Variants in PPP1R35 observed in about 807,000 individuals in gnomAD.
The protein encoded by PPP1R35 is protein phosphatase 1 regulatory subunit 35.
Under a neutral mutation model 22.2 loss-of-function variants are expected in PPP1R35, and 23 were observed. That is an observed-to-expected ratio of 1.04 (90% CI 0.75 to 1.47). The LOEUF (loss-of-function observed/expected upper bound fraction) is 1.47. Ranked by LOEUF, PPP1R35 falls within the 40% of genes most tolerant of loss-of-function variation. The pLI is 0.00. For missense variants in PPP1R35, 409 were observed against 349.6 expected, an observed-to-expected ratio of 1.17 and a Z score of -1.36; for synonymous variants, 198 against 165.7, an observed-to-expected ratio of 1.19 and a Z score of -1.50.
Position 100,435,419 on chromosome 7 carries a change from G to T in PPP1R35, c.703C>A (p.Pro235Thr), listed in dbSNP as rs760212227. 4.3e-6 allele frequency: 7 copies of T among 1,612,652 alleles called. No individual in the cohort carries two copies. The East Asian group carries it at 1.3e-4, about 31-fold the overall frequency. The change falls in exon 4 of 4, where the codon CCC (proline) becomes ACC (threonine). Residue 235 changes from proline (P) to threonine (T), a missense_variant. By Grantham distance (38) the Pro-to-Thr change is conservative. Transcript: ENST00000292330. ...AGGAAGGTGTCCTCTGAAGGGCGGG[G>T]CCGGAGTTGAAGTCGGAGAGGGGGC... ...GLPPLRLQLRPRPSEDTFLMH... is the reference protein window; with the variant it reads ...GLPPLRLQLRTRPSEDTFLMH...
At position 100,435,705 on chromosome 7, in the gene PPP1R35, C is replaced by A; in HGVS notation, c.514G>T (p.Glu172Ter). 1 of 1,605,238 alleles carries A rather than the reference C, an allele frequency of 6.2e-7. No individual in the cohort carries two copies. The highest frequency in any genetic ancestry group is 2.2e-5 in the East Asian group (1 of 44,636). Residue 172 changes from glutamate to a stop codon, truncating the protein, a stop_gained, in exon 3 of 4, where the codon GAA becomes TAA. Coordinates refer to ENST00000292330, the MANE Select transcript of PPP1R35 (RefSeq NM_145030.4). LOFTEE classifies it high-confidence loss of function. ...RDLVSLQVPEEQVLNAALREK... is the reference protein window; with the variant it reads ...RDLVSLQVPE ...CTGAGCGCGGCATTCAGAACCTGTTCCTCCGGCACCTGCAGGCTCACCAGG... is the reference window on the plus strand; with the variant it reads ...CTGAGCGCGGCATTCAGAACCTGTTACTCCGGCACCTGCAGGCTCACCAGG...
chr7:100,435,636 G>A lies in PPP1R35; in HGVS notation c.583C>T (p.Pro195Ser). Residue 195 changes from proline (P) to serine (S), a missense_variant, in exon 3 of 4, where the codon CCA becomes TCA. Transcript: ENST00000292330. ...CCACGCCCAGACCCCATCACCTTTG[G>A]GTGCGGGGCTCGAGCCTGTGGCGGC... is the stretch of plus-strand genomic sequence containing the variant. ...LLPPQARAPHPKEPPGPGPDM... is the reference protein window; with the variant it reads ...LLPPQARAPHSKEPPGPGPDM... 1 of 1,612,646 alleles carries A rather than the reference G, an allele frequency of 6.2e-7. No homozygotes were observed. Among genetic ancestry groups the A allele is most frequent in the Non-Finnish European group, 8.5e-7 (1 of 1,179,702 alleles).
At position 100,436,348 on chromosome 7, in the gene PPP1R35, C is replaced by A; in HGVS notation, c.27G>T (p.Glu9Asp). MMMGCGESELKSADGEEAA... is the reference protein window; with the variant it reads MMMGCGESDLKSADGEEAA... ...CTTCTTCCCCGTCCGCCGACTTCAG[C>A]TCTGACTCCCCACAACCCATCATCA... The change falls in exon 1 of 4, where the codon GAG (glutamate) becomes GAT (aspartate). Residue 9 changes from glutamate (E) to aspartate (D), a missense_variant. Physicochemically the swap from Glu to Asp is conservative, Grantham distance 45. Coordinates refer to ENST00000292330, the MANE Select transcript of PPP1R35 (RefSeq NM_145030.4). The A allele has an allele frequency of 7.0e-7, 1 of 1,427,106 alleles. No individual in the cohort carries two copies. Among genetic ancestry groups the A allele is most frequent in the South Asian group, 1.6e-5 (1 of 64,156 alleles). 88.4% of individuals were successfully genotyped at this position (1,427,106 alleles called of 1,614,324 possible).
Position 100,435,534 on chromosome 7 carries a change from C to A in PPP1R35, c.589-1G>T, listed in dbSNP as rs1798847345. 1 of 1,614,030 alleles carries A rather than the reference C, an allele frequency of 6.2e-7. No individual in the cohort carries two copies. Among genetic ancestry groups the A allele is most frequent in the African/African-American group, 1.3e-5 (1 of 74,910 alleles). ...TGTCTGGCCCAGGCCCAGGTGGCTC[C>A]TGTTGGGAGGTTGGGCCCAAAGCAA... On this transcript the variant is annotated splice_acceptor_variant, in intron 3 of 3. Coordinates refer to ENST00000292330, the MANE Select transcript of PPP1R35 (RefSeq NM_145030.4). LOFTEE classifies it high-confidence loss of function.
chr7:100,435,857 C>A lies in PPP1R35; in HGVS notation c.442G>T (p.Val148Leu), dbSNP rs779010490. ...FQIRCGLEES[V>L]SEGLNVPRSK... ...CGCCCGCCCCCCTCACCCTCGGACA[C>A]GCTCTCCTCCAGGCCGCAGCGGATC... Residue 148 changes from valine to leucine, a missense_variant, in exon 2 of 4, where the codon GTG becomes TTG. By Grantham distance (32) the Val-to-Leu change is conservative (BLOSUM62 1). Transcript: ENST00000292330. 1 of 1,591,050 alleles carries A rather than the reference C, an allele frequency of 6.3e-7. No individual in the cohort carries two copies. The highest frequency in any genetic ancestry group is 1.7e-5 in the Admixed American group (1 of 57,966).
chr7:100,435,758 A>G lies in PPP1R35; in HGVS notation c.461T>C (p.Val154Ala). 1.2e-6 allele frequency: 2 copies of G among 1,600,468 alleles called. No individual in the cohort carries two copies. The highest frequency in any genetic ancestry group is 1.7e-6 in the Non-Finnish European group (2 of 1,177,500). ...CCGGAAGAGCCGCTTGGAGCGCGGC[A>G]CGTTCAGCCCTGAGAGCGCAGCGGG... ...LEESVSEGLNVPRSKRLFRDL... is the reference protein window; with the variant it reads ...LEESVSEGLNAPRSKRLFRDL... The change falls in exon 3 of 4, where the codon GTG (valine) becomes GCG (alanine). Residue 154 changes from valine to alanine, a missense_variant. Val to Ala is a moderately conservative substitution (Grantham distance 64, BLOSUM62 0). Coordinates refer to ENST00000292330, the MANE Select transcript of PPP1R35 (RefSeq NM_145030.4).
rs1798840885 is a variant in PPP1R35 at position 100,435,387 on chromosome 7, G to C, written c.735C>G (p.His245Gln). 2 of 1,609,144 alleles carry C rather than the reference G, an allele frequency of 1.2e-6. No individual in the cohort carries two copies. The highest frequency in any genetic ancestry group is 1.7e-6 in the Non-Finnish European group (2 of 1,178,590). Residue 245 changes from histidine to glutamine, a missense_variant, in exon 4 of 4, where the codon CAC becomes CAG. His to Gln is a conservative substitution (Grantham distance 24, BLOSUM62 0). Coordinates refer to ENST00000292330, the MANE Select transcript of PPP1R35 (RefSeq NM_145030.4). ...ACGCTTCCCATCGCCTCAGTGTCCGGTGCATGAGGAAGGTGTCCTCTGAAG... is the reference window on the plus strand; with the variant it reads ...ACGCTTCCCATCGCCTCAGTGTCCGCTGCATGAGGAAGGTGTCCTCTGAAG... Reference protein sequence around the residue: ...PRPSEDTFLMHRTLRRWEA With the variant: ...PRPSEDTFLMQRTLRRWEA
chr7:100,436,094 G>C (rs1584331794), intron 1 of PPP1R35, 30 bp from the exon 2 acceptor site: 20 of 1,481,028 alleles, frequency 1.4e-5, no homozygotes, highest in Non-Finnish European at 1.8e-5. Context: ...CAGTGACCAG[G>C]TGGGCGCGAG....
chr7:100,435,712 C>T lies in PPP1R35; in HGVS notation c.507G>A (p.Val169=). 1 of 1,604,432 alleles carries T rather than the reference C, an allele frequency of 6.2e-7. No individual in the cohort carries two copies. The highest frequency in any genetic ancestry group is 8.5e-7 in the Non-Finnish European group (1 of 1,177,464). Residue 169 remains valine (V), a synonymous_variant, in exon 3 of 4, where the codon GTG becomes GTA. Coordinates refer to ENST00000292330, the MANE Select transcript of PPP1R35 (RefSeq NM_145030.4). The stretch of plus-strand genomic sequence containing the variant: ...CGGCATTCAGAACCTGTTCCTCCGG[C>T]ACCTGCAGGCTCACCAGGTCCCGGA... ...RLFRDLVSLQ[V]PEEQVLNAAL...
Position 100,435,286 on chromosome 7 carries a change from T to TTAGCAAAATTACTTTATTC in PPP1R35, c.*55_*73dup. ...AGGCCTCCAAGAAGAGTCCCATTTA[T>TTAGCAAAATTACTTTATTC]TAGCAAAATTACTTTATTCTAACAA... On this transcript the variant is annotated 3_prime_UTR_variant, in exon 4 of 4. Transcript: ENST00000292330. The TTAGCAAAATTACTTTATTC allele has an allele frequency of 6.7e-7, 1 of 1,485,484 alleles. No individual in the cohort carries two copies. Among genetic ancestry groups the TTAGCAAAATTACTTTATTC allele is most frequent in the Middle Eastern group, 1.8e-4 (1 of 5,554 alleles). 92.0% of individuals were successfully genotyped at this position (1,485,484 alleles called of 1,614,324 possible). A position where few individuals can be genotyped will look rare whatever the true frequency, so the allele number is the denominator to read the frequency against.
Position 100,435,523 on chromosome 7 carries a change from C to G in PPP1R35, c.599G>C (p.Gly200Ala). 1 of 1,614,074 alleles carries G rather than the reference C, an allele frequency of 6.2e-7. No homozygotes were observed. The highest frequency in any genetic ancestry group is 8.5e-7 in the Non-Finnish European group (1 of 1,180,004). Residue 200 changes from glycine (G) to alanine (A), a missense_variant, in exon 4 of 4, where the codon GGG becomes GCG. By Grantham distance (60) the Gly-to-Ala change is moderately conservative. Transcript: ENST00000292330. ...CAAGATGGTCATGTCTGGCCCAGGC[C>G]CAGGTGGCTCCTGTTGGGAGGTTGG... is the stretch of plus-strand genomic sequence containing the variant. ...ARAPHPKEPPGPGPDMTILCD... is the reference protein window; with the variant it reads ...ARAPHPKEPPAPGPDMTILCD...
rs1798848145 is a variant in PPP1R35, at chr7:100,435,546, TG to T, written c.589-14del. The T allele has an allele frequency of 6.2e-7, 1 of 1,613,952 alleles. No homozygotes were observed. Among genetic ancestry groups the T allele is most frequent in the Non-Finnish European group, 8.5e-7 (1 of 1,180,008 alleles). On this transcript the variant is annotated splice_polypyrimidine_tract_variant and intron_variant, in intron 3 of 3. Coordinates refer to ENST00000292330, the MANE Select transcript of PPP1R35 (RefSeq NM_145030.4). ...GCCCAGGTGGCTCCTGTTGGGAGGTTGGGCCCAAAGCAAGGTTACACTTTGG... is the reference window on the plus strand; with the variant it reads ...GCCCAGGTGGCTCCTGTTGGGAGGTTGGCCCAAAGCAAGGTTACACTTTGG...
chr7:100,435,599 A>T lies in PPP1R35; in HGVS notation c.588+32T>A, dbSNP rs200346082. The stretch of plus-strand genomic sequence containing the variant: ...AGGAAGGATCCGGGTAAGGGGGTAC[A>T]TGGAGGAAGCCCCACGCCCAGACCC... On this transcript the variant is annotated intron_variant, in intron 3 of 3. Transcript: ENST00000292330. 6 of 1,614,032 alleles carry T rather than the reference A, an allele frequency of 3.7e-6. No individual in the cohort carries two copies. In the African/African-American group the frequency reaches 4.0e-5, roughly 11 times the overall value.
chr7:100,435,752 C>T lies in PPP1R35; in HGVS notation c.467G>A (p.Arg156His). The change falls in exon 3 of 4, where the codon CGC becomes CAC. Residue 156 changes from arginine to histidine, a missense_variant. Physicochemically the swap from Arg to His is conservative, Grantham distance 29. Transcript: ENST00000292330. ...ESVSEGLNVPRSKRLFRDLVS... is the reference protein window; with the variant it reads ...ESVSEGLNVPHSKRLFRDLVS... ...CAGGTCCCGGAAGAGCCGCTTGGAG[C>T]GCGGCACGTTCAGCCCTGAGAGCGC... The T allele has an allele frequency of 6.2e-7, 1 of 1,600,510 alleles. No homozygotes were observed. Among genetic ancestry groups the T allele is most frequent in the Non-Finnish European group, 8.5e-7 (1 of 1,177,280 alleles).
Position 100,435,702 on chromosome 7 carries a change from G to A in PPP1R35, c.517C>T (p.Gln173Ter). ...DLVSLQVPEE[Q>*]VLNAALREKL... ...TCCCTGAGCGCGGCATTCAGAACCT[G>A]TTCCTCCGGCACCTGCAGGCTCACC... The change falls in exon 3 of 4, where the codon CAG becomes TAG. Residue 173 changes from glutamine to a stop codon, truncating the protein, a stop_gained. Coordinates refer to ENST00000292330, the MANE Select transcript of PPP1R35 (RefSeq NM_145030.4). LOFTEE classifies it high-confidence loss of function. 6.2e-7 allele frequency: 1 copy of A among 1,606,278 alleles called. No homozygotes were observed. Among genetic ancestry groups the A allele is most frequent in the African/African-American group, 1.3e-5 (1 of 75,042 alleles).
At chr7:100,435,569 T>A (rs769146052) in intron 3 of PPP1R35, 36 bp from the exon 4 acceptor site, 1 of 1,614,086 alleles carries the variant, frequency 6.2e-7, no homozygotes, top group Admixed American at 1.7e-5. Flanking sequence ...AGGTTACACT[T>A]TGGGAGGAAG....
Position 100,435,962 on chromosome 7 carries a change from C to A in PPP1R35, c.337G>T (p.Gly113Cys), listed in dbSNP as rs765871434. 1.6e-5 allele frequency: 26 copies of A among 1,584,430 alleles called. 1 individual carries two copies. The South Asian group carries it at 2.4e-4, about 14-fold the overall frequency. ...CCGGCTGCGGCCCGCAGCTCCAGGCCCAAGGCCAGGCTGCTCTTCAGCACG... is the reference window on the plus strand; with the variant it reads ...CCGGCTGCGGCCCGCAGCTCCAGGCACAAGGCCAGGCTGCTCTTCAGCACG... The part of the protein sequence containing the change: ...MPVLKSSLAL[G>C]LELRAAAGSH... The change falls in exon 2 of 4, where the codon GGC becomes TGC. Residue 113 changes from glycine (G) to cysteine (C), a missense_variant. Transcript: ENST00000292330.
rs1044285845 is a variant in PPP1R35 at position 100,436,453 on chromosome 7, C to T, written c.-79G>A. ...GTCAGGGGACACAGCCTGGCTGCCG[C>T]CTCCTTTCCCCCGCCCCTCCTAGAC... On this transcript the variant is annotated 5_prime_UTR_variant, in exon 1 of 4. Transcript: ENST00000292330. 20 of 1,069,260 alleles carry T rather than the reference C, an allele frequency of 1.9e-5. No homozygotes were observed. Among genetic ancestry groups the T allele is most frequent in the Non-Finnish European group, 2.4e-5 (19 of 782,086 alleles). The allele number at this position is 1,069,260 out of a possible 1,614,324, so 66.2% of individuals were successfully genotyped here. A position where few individuals can be genotyped will look rare whatever the true frequency, so the allele number is the denominator to read the frequency against.
At position 100,436,316 on chromosome 7, in the gene PPP1R35, G is replaced by T; in HGVS notation, c.59C>A (p.Ala20Glu). Residue 20 changes from alanine (A) to glutamate (E), a missense_variant, in exon 1 of 4, where the codon GCG becomes GAG. Coordinates refer to ENST00000292330, the MANE Select transcript of PPP1R35 (RefSeq NM_145030.4). ...LKSADGEEAA[A>E]VPGPPPEPQV... ...GGGCTCCGGGGGTGGCCCCGGGACC[G>T]CCGCGGCTTCTTCCCCGTCCGCCGA... is the stretch of plus-strand genomic sequence containing the variant. 1 of 1,386,098 alleles carries T rather than the reference G, an allele frequency of 7.2e-7. No individual in the cohort carries two copies. The highest frequency in any genetic ancestry group is 9.4e-7 in the Non-Finnish European group (1 of 1,061,614). The allele number at this position is 1,386,098 out of a possible 1,614,324, so 85.9% of individuals were successfully genotyped here. A position where few individuals can be genotyped will look rare whatever the true frequency, so the allele number is the denominator to read the frequency against.
Sources: gnomAD v4.1 joint callset for allele counts on GRCh38, gnomAD v4.1.1 for gene constraint, MANE v1.5 for transcripts, NCBI Gene and HGNC (gene_info 2026-07-23, HGNC 2026-07-21) for gene names.